Variants in GCN1 observed in about 807,000 individuals in gnomAD.
The protein encoded by GCN1 is GCN1 activator of EIF2AK4.
Under a neutral mutation model 288.4 loss-of-function variants are expected in GCN1, and 90 were observed. That is an observed-to-expected ratio of 0.31 (90% CI 0.26 to 0.37). GCN1 has a LOEUF of 0.37. Ranked by LOEUF, GCN1 falls within the 10% of genes least tolerant of loss-of-function variation. GCN1 has a pLI of 1.00. For synonymous variants in GCN1, 1,386 were observed against 1,420.2 expected (o/e 0.98, Z 0.54); for missense variants, 2,586 against 3,419.9 (o/e 0.76, Z 6.08).
chr12:120,176,391 G>A (rs1348948737), intron 9 of GCN1, among the ~76,000 whole-genome samples, 174 bp from the exon 10 acceptor site: 1 of 152,086 alleles, frequency 6.6e-6, no homozygotes, highest in Non-Finnish European at 1.5e-5. Flanking sequence ...TCCCCATCCC[G>A]ATCAGCAAAA....
intron 26 of GCN1, among the ~76,000 whole-genome samples, chr12:120,157,585 G>C (rs548623796): frequency 6.6e-6 from 1 of 152,330 alleles, no homozygotes; most frequent in East Asian, 1.9e-4. Context: ...CCATAGCACA[G>C]AATCTCATGC....
At chr12:120,171,732 T>A (rs1025534113) in intron 14 of GCN1, among the ~76,000 whole-genome samples, 2 of 152,192 alleles carry the variant, frequency 1.3e-5, no homozygotes, top group African/African-American at 4.8e-5. Flanking sequence ...ATTCCTTTTT[T>A]AAAAAATAAA....
intron 2 of GCN1, 152 bp from the exon 3 acceptor site, chr12:120,185,039 C>G: frequency 1.6e-6 from 1 of 633,726 alleles, no homozygotes; most frequent in Non-Finnish European, 2.8e-6. Flanking sequence ...AACAACAAAA[C>G]AGGACTCTAG....
chr12:120,160,893 A>C (rs2139114364), intron 22 of GCN1, among the ~76,000 whole-genome samples: 1 of 152,356 alleles, frequency 6.6e-6, no homozygotes. Flanking sequence ...TAAAGAAACA[A>C]ATATGATGTT....
chr12:120,168,212 C>T lies in GCN1; in HGVS notation c.1608G>A (p.Glu536=), dbSNP rs1878195533. 1.3e-6 allele frequency: 2 copies of T among 1,545,908 alleles called. No individual in the cohort carries two copies. Among genetic ancestry groups the T allele is most frequent in the Non-Finnish European group, 8.9e-7 (1 of 1,117,726 alleles). The change falls in exon 16 of 58, where the codon GAG becomes GAA. Residue 536 remains glutamate (E), a synonymous_variant. Transcript: ENST00000300648. ...TSEKFLVMAS[E]DALCTVLHLT... ...ACTAAGCATGGAGTAACTTACCATC[C>T]TCTGAAGCCATGACCAGGAATTTCT...
At chr12:120,149,469 T>G (rs1877468938) in intron 36 of GCN1, 137 bp downstream of exon 36, 6 of 636,186 alleles carry the variant, frequency 9.4e-6, no homozygotes, top group South Asian at 7.8e-5. Context: ...CATCTCAAAT[T>G]TTTAAAAAGG....
Position 120,127,711 on chromosome 12 carries a change from T to C in GCN1, c.*138A>G, listed in dbSNP as rs1290461254. On this transcript the variant is annotated 3_prime_UTR_variant, in exon 58 of 58. Coordinates refer to ENST00000300648, the MANE Select transcript of GCN1 (RefSeq NM_006836.2). ...TTGTGTGTGGGTTTGATTTAAGGCT[T>C]TGGCTGTGGTCTATTGATATTAAAA... 4.3e-6 allele frequency: 4 copies of C among 937,522 alleles called. No individual in the cohort carries two copies. Among genetic ancestry groups the C allele is most frequent in the Non-Finnish European group, 6.5e-6 (4 of 617,354 alleles). The allele number at this position is 937,522 out of a possible 1,614,324, so 58.1% of individuals were successfully genotyped here.
In GCN1 at chr12:120,177,487, T is replaced by C. The variant is rs758012155; in HGVS notation, c.798A>G (p.Ile266Met). The C allele has an allele frequency of 1.2e-6, 2 of 1,608,310 alleles. No homozygotes were observed. Among genetic ancestry groups the C allele is most frequent in the South Asian group, 1.1e-5 (1 of 90,944 alleles). The stretch of plus-strand genomic sequence containing the variant: ...CTGGACTCCTCAGTAAGGACTTCTG[T>C]ATGGTGGGCAGTATCAGATCCTTAA... ...SEFKDLILPT[I>M]QKSLLRSPEN... Residue 266 changes from isoleucine (I) to methionine (M), a missense_variant, in exon 9 of 58, where the codon ATA (isoleucine) becomes ATG (methionine). Physicochemically the swap from Ile to Met is conservative, Grantham distance 10 (BLOSUM62 1). This residue lies in a region of GCN1 where 913 missense variants were observed against 1,107.0 expected (regional missense o/e 0.82). Coordinates refer to ENST00000300648, the MANE Select transcript of GCN1 (RefSeq NM_006836.2).
At chr12:120,169,276 C>CAAAAAAAAA (rs35819206) in intron 15 of GCN1, among the ~76,000 whole-genome samples, 39 of 66,434 alleles carry the variant, frequency 5.9e-4, no homozygotes, top group Non-Finnish European at 8.0e-4. Context: ...AACTCCGTCT[C>CAAAAAAAAA]AAAAAAAAAA....
intron 9 of GCN1, 35 bp downstream of exon 9, chr12:120,177,412 T>G (rs75575283): frequency 2.8e-6 from 3 of 1,059,326 alleles, no homozygotes; most frequent in African/African-American, 1.6e-5. Context: ...AGGCAACTCA[T>G]CTCCCTCCCA....
At chr12:120,160,300 G>T in intron 22 of GCN1, 45 bp from the exon 23 acceptor site, 1 of 1,316,186 alleles carries the variant, frequency 7.6e-7, no homozygotes, top group Non-Finnish European at 1.1e-6. Context: ...CCAGGGAACA[G>T]ACCTCCCTCC....
intron 5 of GCN1, among the ~76,000 whole-genome samples, chr12:120,181,691 T>C (rs1286844160): frequency 6.7e-6 from 1 of 149,778 alleles, no homozygotes; most frequent in South Asian, 2.1e-4. Flanking sequence ...AATACAAAAC[T>C]AGTCGGGCAT....
chr12:120,174,563 C>T (rs1191124253), intron 12 of GCN1, among the ~76,000 whole-genome samples: 1 of 151,830 alleles, frequency 6.6e-6, no homozygotes, highest in Non-Finnish European at 1.5e-5. Context: ...GAGGCTGAGG[C>T]AGGTGCATCA....
chr12:120,146,761 C>T (rs2139097259), intron 38 of GCN1, among the ~76,000 whole-genome samples: 1 of 152,232 alleles, frequency 6.6e-6, no homozygotes, highest in East Asian at 1.9e-4. Context: ...CAGGAGTATT[C>T]TTGTCAAGAG....
intron 45 of GCN1, 72 bp downstream of exon 45, chr12:120,140,787 G>T: frequency 6.9e-7 from 1 of 1,449,210 alleles, no homozygotes. Flanking sequence ...ACCTCCTTCA[G>T]TAGCCCTCCC....
intron 14 of GCN1, among the ~76,000 whole-genome samples, 160 bp downstream of exon 14, chr12:120,173,493 C>T (rs1419574596): frequency 6.6e-6 from 1 of 152,188 alleles, no homozygotes; most frequent in African/African-American, 2.4e-5. Context: ...AGACTGAATT[C>T]GGATTTTGGG....
chr12:120,161,212 T>C (rs943087278), intron 22 of GCN1, among the ~76,000 whole-genome samples: 2 of 152,114 alleles, frequency 1.3e-5, no homozygotes, highest in Non-Finnish European at 2.9e-5. Flanking sequence ...GGGACAGACA[T>C]GGAATCCAGC....
At chr12:120,138,240 C>G in intron 47 of GCN1, 83 bp downstream of exon 47, 1 of 995,812 alleles carries the variant, frequency 1.0e-6, no homozygotes. Context: ...CCAACATCTA[C>G]GTTCAGAACT....
intron 1 of GCN1, 30 bp from the exon 2 acceptor site, chr12:120,190,430 C>T (rs770706394): frequency 8.8e-7 from 1 of 1,135,062 alleles, no homozygotes; most frequent in Admixed American, 1.7e-5. Flanking sequence ...GAAAAATTCA[C>T]TAGTCAGACT....
Sources: gnomAD v4.1 joint callset for allele counts (sites outside exome capture counted in the v4.1 genomes callset) on GRCh38, gnomAD v4.1.1 for gene constraint, gnomAD v4.1.1 regional missense constraint, MANE v1.5 for transcripts, NCBI Gene and HGNC (gene_info 2026-07-23, HGNC 2026-07-21) for gene names.